ERGIC1: variants seen among roughly 807,000 people sequenced by gnomAD.
ERGIC1 encodes the protein endoplasmic reticulum-golgi intermediate compartment 1.
Under a neutral mutation model 38.3 loss-of-function variants are expected in ERGIC1, and 19 were observed. The ratio of observed to expected loss-of-function variants is 0.50; its 90% CI spans 0.35 to 0.73. The LOEUF (loss-of-function observed/expected upper bound fraction) is 0.73. ERGIC1 is among the 30% of genes least tolerant of loss of function. ERGIC1 has a pLI of 0.01. For synonymous variants in ERGIC1, 124 were observed against 157.6 expected (o/e 0.79, Z 1.60); for missense variants, 294 against 389.2 (o/e 0.76, Z 2.06).
At chr5:172,861,582 C>T (rs537730114) in intron 1 of ERGIC1, among the ~76,000 whole-genome samples, 1 of 152,358 alleles carries the variant, frequency 6.6e-6, no homozygotes, top group East Asian at 1.9e-4. Context: ...TCACACTGAT[C>T]TACTAACGTT....
chr5:172,898,585 A>G (rs891566262), intron 3 of ERGIC1: 2 of 152,240 alleles, frequency 1.3e-5, no homozygotes, highest in Admixed American at 1.3e-4. Flanking sequence ...AGTGGTGGGA[A>G]GAGTACAAGA....
chr5:172,885,855 T>A (rs1435540340), intron 1 of ERGIC1, among the ~76,000 whole-genome samples: 1 of 152,096 alleles, frequency 6.6e-6, no homozygotes, highest in African/African-American at 2.4e-5. Context: ...GCCCCAGGCC[T>A]CATGTCATCT....
chr5:172,886,603 G>A (rs749312032), intron 1 of ERGIC1, among the ~76,000 whole-genome samples: 9 of 151,748 alleles, frequency 5.9e-5, no homozygotes, highest in Non-Finnish European at 8.8e-5. Flanking sequence ...TCAAACAAGC[G>A]TTAATAATAA....
At chr5:172,903,398 G>A (rs1325306174) in intron 3 of ERGIC1, among the ~76,000 whole-genome samples, 1 of 152,052 alleles carries the variant, frequency 6.6e-6, no homozygotes, top group Non-Finnish European at 1.5e-5. Context: ...GAGGGCCACC[G>A]GCCCCTCAGC....
chr5:172,930,417 A>G (rs1763753417), intron 7 of ERGIC1, among the ~76,000 whole-genome samples: 1 of 150,350 alleles, frequency 6.7e-6, no homozygotes, highest in African/African-American at 2.4e-5. Context: ...GTGGCAGCTC[A>G]CTGCAACCTC....
chr5:172,884,493 G>A (rs1002507021), intron 1 of ERGIC1, among the ~76,000 whole-genome samples: 6 of 152,072 alleles, frequency 3.9e-5, no homozygotes, highest in Admixed American at 3.3e-4. Context: ...GGCCTCAAGC[G>A]ATCCCCCCAC....
chr5:172,855,501 C>T (rs893088208), intron 1 of ERGIC1, among the ~76,000 whole-genome samples: 1 of 152,226 alleles, frequency 6.6e-6, no homozygotes, highest in Non-Finnish European at 1.5e-5. Flanking sequence ...ATGGTCCCCA[C>T]TGTCATGGGG....
intron 5 of ERGIC1, among the ~76,000 whole-genome samples, chr5:172,922,848 T>G (rs1259322070): frequency 1.3e-5 from 2 of 152,172 alleles, no homozygotes; most frequent in Admixed American, 1.3e-4. Context: ...CAGTCATTAT[T>G]GGGAAAAGGC....
At chr5:172,891,920 C>T (rs969794293) in intron 2 of ERGIC1, among the ~76,000 whole-genome samples, 9 of 152,176 alleles carry the variant, frequency 5.9e-5, no homozygotes, top group South Asian at 2.1e-4. Flanking sequence ...GGCTGACCTA[C>T]GGGGCCTGTG....
At chr5:172,895,362 C>T (rs185889650) in intron 2 of ERGIC1, among the ~76,000 whole-genome samples, 3 of 152,160 alleles carry the variant, frequency 2.0e-5, no homozygotes, top group Admixed American at 6.5e-5. Flanking sequence ...TTAAGTAACT[C>T]ACTTAGGGCC....
chr5:172,838,707 C>T (rs756903863), intron 1 of ERGIC1, among the ~76,000 whole-genome samples: 4 of 152,150 alleles, frequency 2.6e-5, no homozygotes, highest in East Asian at 3.9e-4. Flanking sequence ...GCTAAGATCA[C>T]AGGCATGAGC....
chr5:172,865,375 A>T (rs186567980), intron 1 of ERGIC1, among the ~76,000 whole-genome samples: 1 of 152,326 alleles, frequency 6.6e-6, no homozygotes. Flanking sequence ...AAATTCTAAA[A>T]CAGTCTCTTT....
At chr5:172,855,559 C>G (rs1043984973) in intron 1 of ERGIC1, among the ~76,000 whole-genome samples, 2 of 152,218 alleles carry the variant, frequency 1.3e-5, no homozygotes, top group African/African-American at 4.8e-5. Context: ...CAAGAGTTTT[C>G]CCAGCGAGAA....
At chr5:172,931,580 T>C (rs922673457) in intron 7 of ERGIC1, among the ~76,000 whole-genome samples, 4 of 152,248 alleles carry the variant, frequency 2.6e-5, no homozygotes, top group African/African-American at 9.6e-5. Flanking sequence ...GATAGGCTCT[T>C]TTCTTTTTAA....
At chr5:172,903,609 T>C (rs1762941204) in intron 3 of ERGIC1, among the ~76,000 whole-genome samples, 1 of 152,178 alleles carries the variant, frequency 6.6e-6, no homozygotes, top group Non-Finnish European at 1.5e-5. Flanking sequence ...GATCAACTCC[T>C]TGAGCATCGA....
At chr5:172,929,111 C>T (rs1468605590) in intron 7 of ERGIC1, among the ~76,000 whole-genome samples, 1 of 151,660 alleles carries the variant, frequency 6.6e-6, no homozygotes, top group African/African-American at 2.4e-5. Flanking sequence ...ACCAGCTTGT[C>T]ATGTATATGT....
At chr5:172,872,326 C>G (rs1169997401) in intron 1 of ERGIC1, among the ~76,000 whole-genome samples, 1 of 152,106 alleles carries the variant, frequency 6.6e-6, no homozygotes, top group Non-Finnish European at 1.5e-5. Flanking sequence ...GTGTTTATAC[C>G]TTGAATGGTT....
chr5:172,867,061 T>TGGAGATGATGCAGAC (rs1561708820), intron 1 of ERGIC1: 21 of 423,378 alleles, frequency 5.0e-5, no homozygotes, highest in Middle Eastern at 6.8e-4. Flanking sequence ...ATGATGCAGA[T>TGGAGATGATGCAGAC]GGAGAGCAGT....
At chr5:172,871,472 A>G (rs753116495) in intron 1 of ERGIC1, among the ~76,000 whole-genome samples, 1 of 152,210 alleles carries the variant, frequency 6.6e-6, no homozygotes, top group Non-Finnish European at 1.5e-5. Context: ...CTGGCATTAC[A>G]CTATTTCCTT....
Sources: gnomAD v4.1 joint callset for allele counts (sites outside exome capture counted in the v4.1 genomes callset) on GRCh38, gnomAD v4.1.1 for gene constraint, MANE v1.5 for transcripts, NCBI Gene and HGNC (gene_info 2026-07-23, HGNC 2026-07-21) for gene names.